POLR3B: variants seen among roughly 807,000 people sequenced by gnomAD.
POLR3B encodes DNA-directed RNA polymerase III subunit RPC2.
Under a neutral mutation model 147.4 loss-of-function variants are expected in POLR3B, and 96 were observed. The observed-to-expected ratio is 0.65, with a 90% CI of 0.55 to 0.77. The LOEUF is 0.77. Ranked by LOEUF, POLR3B falls within the 30% of genes least tolerant of loss-of-function variation. The pLI, the probability that POLR3B is intolerant of heterozygous loss-of-function variation, is 0.00. For synonymous variants in POLR3B, 461 were observed against 485.9 expected (o/e 0.95, Z 0.67); for missense variants, 1,036 against 1,413.5 (o/e 0.73, Z 4.28).
rs1166191108 is a variant in POLR3B, at chr12:106,454,557, A to G, written c.2139A>G (p.Ala713=). The change falls in exon 20 of 28, where the codon GCA becomes GCG. Residue 713 remains alanine (A), a synonymous_variant. Coordinates refer to ENST00000228347, the MANE Select transcript of POLR3B (RefSeq NM_018082.6). The part of the protein sequence containing the change: ...NRIDTLMYLL[A]YPQKPMVKTK... ...TTGATACTCTCATGTATCTACTAGC[A>G]TATCCACAAAAACCCATGGTTAAGA... The G allele has an allele frequency of 6.2e-7, 1 of 1,609,326 alleles. No individual in the cohort carries two copies. The highest frequency in any genetic ancestry group is 1.1e-5 in the South Asian group (1 of 91,000).
chr12:106,420,728 A>G (rs2037363632), intron 12 of POLR3B, among the ~76,000 whole-genome samples: 3 of 152,204 alleles, frequency 2.0e-5, no homozygotes, highest in Admixed American at 6.5e-5. Context: ...GTTTTAAAAT[A>G]TCACTGTGGT....
At chr12:106,471,783 C>T (rs2038095839) in intron 23 of POLR3B, among the ~76,000 whole-genome samples, 1 of 151,758 alleles carries the variant, frequency 6.6e-6, no homozygotes, top group Non-Finnish European at 1.5e-5. Context: ...GGTAGATTCT[C>T]TACTGTTGAT....
chr12:106,452,016 T>C (rs1288813438), intron 19 of POLR3B, among the ~76,000 whole-genome samples: 1 of 152,180 alleles, frequency 6.6e-6, no homozygotes, highest in East Asian at 1.9e-4. Context: ...TGTATATATA[T>C]GTAACGCCCT....
intron 11 of POLR3B, chr12:106,410,134 T>C (rs1160871702): frequency 6.6e-6 from 1 of 152,322 alleles, no homozygotes; most frequent in African/African-American, 2.4e-5. Context: ...TAAAACTTAG[T>C]GGCTTAATGT....
chr12:106,486,585 G>A (rs897819068), intron 23 of POLR3B, among the ~76,000 whole-genome samples: 2 of 152,042 alleles, frequency 1.3e-5, no homozygotes, highest in East Asian at 1.9e-4. Context: ...TCCTTAAGAT[G>A]GGCATCTTCT....
intron 11 of POLR3B, chr12:106,410,582 G>A (rs560025095): frequency 1.9e-6 from 1 of 514,738 alleles, no homozygotes; most frequent in East Asian, 3.5e-5. Context: ...AAGTTTATAT[G>A]AAGGGAAGAA....
chr12:106,465,298 C>T (rs1405271103), intron 23 of POLR3B, among the ~76,000 whole-genome samples: 1 of 152,136 alleles, frequency 6.6e-6, no homozygotes, highest in Non-Finnish European at 1.5e-5. Context: ...AATATTGACA[C>T]TGGAAGCTTC....
Position 106,489,044 on chromosome 12 carries a change from C to T in POLR3B, c.2714-7011C>T, listed in dbSNP as rs113141475. Among the ~76,000 whole-genome samples, 1,421 of 152,198 alleles carry T rather than the reference C, an allele frequency of 9.3e-3. 10 individuals are homozygous for T. The highest frequency in any genetic ancestry group is 0.015 in the Non-Finnish European group (1,037 of 68,016). On this transcript the variant is annotated intron_variant, in intron 23 of 27. Transcript: ENST00000228347. Reference sequence around the variant, plus strand: ...GCAATATATCACTTCCCTGAAAGAACATTTCTCAGTCTCTCATGTGAAAAA... The same window carrying T: ...GCAATATATCACTTCCCTGAAAGAATATTTCTCAGTCTCTCATGTGAAAAA...
chr12:106,369,363 CT>C lies in POLR3B; in HGVS notation c.303+15del. ...GTCCCCTCATGAGGTAATTATGAAC[CT>C]TACTTTAATTGGACTTGTTTGCTTT... On this transcript the variant is annotated intron_variant, in intron 5 of 27. Transcript: ENST00000228347. 2 of 1,455,170 alleles carry C rather than the reference CT, an allele frequency of 1.4e-6. No individual in the cohort carries two copies. Among genetic ancestry groups the C allele is most frequent in the South Asian group, 1.1e-5 (1 of 88,002 alleles). 90.1% of individuals were successfully genotyped at this position (1,455,170 alleles called of 1,614,324 possible).
chr12:106,478,773 A>C (rs1221429387), intron 23 of POLR3B, among the ~76,000 whole-genome samples: 1 of 152,148 alleles, frequency 6.6e-6, no homozygotes, highest in Non-Finnish European at 1.5e-5. Flanking sequence ...TAAAAGGTCA[A>C]ACAGAACAAG....
At chr12:106,381,601 C>T (rs1234372170) in intron 9 of POLR3B, among the ~76,000 whole-genome samples, 1 of 152,162 alleles carries the variant, frequency 6.6e-6, no homozygotes, top group Non-Finnish European at 1.5e-5. Flanking sequence ...TTGCTATTCC[C>T]ACCACATCTG....
intron 17 of POLR3B, 111 bp downstream of exon 17, chr12:106,437,242 C>A: frequency 1.2e-6 from 1 of 821,542 alleles, no homozygotes; most frequent in Non-Finnish European, 2.0e-6. Context: ...AATTACCAGC[C>A]TGTTAAAAAC....
intron 12 of POLR3B, among the ~76,000 whole-genome samples, chr12:106,411,221 C>T (rs2037222026): frequency 6.6e-6 from 1 of 152,130 alleles, no homozygotes; most frequent in Non-Finnish European, 1.5e-5. Flanking sequence ...TCACTGCAAC[C>T]TTGGCATCCT....
Position 106,414,268 on chromosome 12 carries a change from C to T in POLR3B, c.1101+3308C>T, listed in dbSNP as rs184620164. 1.4e-4 allele frequency among the ~76,000 whole-genome samples: 21 copies of T among 148,238 alleles called. No homozygotes were observed. The East Asian group carries it at 2.2e-3, about 15-fold the overall frequency. On this transcript the variant is annotated intron_variant, in intron 12 of 27. Coordinates refer to ENST00000228347, the MANE Select transcript of POLR3B (RefSeq NM_018082.6). ...TCCAATCAGTGAAATATAGTAATTCCAGTATCTAATGTTCTAAAGCTGCTG... is the reference window on the plus strand; with the variant it reads ...TCCAATCAGTGAAATATAGTAATTCTAGTATCTAATGTTCTAAAGCTGCTG...
chr12:106,449,897 T>G (rs1162636338), intron 19 of POLR3B, among the ~76,000 whole-genome samples: 1 of 152,214 alleles, frequency 6.6e-6, no homozygotes, highest in African/African-American at 2.4e-5. Context: ...AATGAATCTC[T>G]GAGAATATTA....
At chr12:106,404,496 A>G (rs1192518191) in intron 10 of POLR3B, among the ~76,000 whole-genome samples, 3 of 152,004 alleles carry the variant, frequency 2.0e-5, no homozygotes, top group African/African-American at 7.2e-5. Context: ...TCATGGTTTT[A>G]GTTTTTATTT....
chr12:106,415,607 A>C (rs1341802269), intron 12 of POLR3B, among the ~76,000 whole-genome samples: 2 of 152,218 alleles, frequency 1.3e-5, no homozygotes, highest in East Asian at 1.9e-4. Context: ...CTGGCCTAGA[A>C]TGAAATTTTG....
At chr12:106,479,014 C>T (rs2038223950) in intron 23 of POLR3B, among the ~76,000 whole-genome samples, 1 of 152,120 alleles carries the variant, frequency 6.6e-6, no homozygotes, top group African/African-American at 2.4e-5. Flanking sequence ...ATTCCTTTCT[C>T]TCTGGAAGCT....
intron 10 of POLR3B, among the ~76,000 whole-genome samples, chr12:106,399,568 A>G (rs2037032664): frequency 6.6e-6 from 1 of 152,232 alleles, no homozygotes; most frequent in African/African-American, 2.4e-5. Flanking sequence ...TGTTAAGGGC[A>G]GCCAGGGAGA....
Sources: gnomAD v4.1 joint callset for allele counts (sites outside exome capture counted in the v4.1 genomes callset) on GRCh38, gnomAD v4.1.1 for gene constraint, MANE v1.5 for transcripts, NCBI Gene and HGNC (gene_info 2026-07-23, HGNC 2026-07-21) for gene names.